CHD2: variants seen among roughly 807,000 people sequenced by gnomAD.
CHD2 encodes the protein chromodomain helicase DNA binding protein 2.
In CHD2, 28 loss-of-function variants were observed where a neutral mutation model predicts 243.9. That is an observed-to-expected ratio of 0.11 (90% CI 0.09 to 0.16). The LOEUF is 0.16. Ranked by LOEUF, CHD2 falls within the 10% of genes least tolerant of loss-of-function variation. CHD2 has a pLI of 1.00. For synonymous variants in CHD2, 775 were observed against 779.0 expected, an observed-to-expected ratio of 0.99 and a Z score of 0.09; for missense variants, 1,386 against 2,209.8, an observed-to-expected ratio of 0.63 and a Z score of 7.47.
chr15:92,904,544 G>C, intron 2 of CHD2: 1 of 1,002,608 alleles, frequency 1.0e-6, no homozygotes, highest in Non-Finnish European at 1.2e-6. Context: ...CTTCTTTCCT[G>C]GACGCGTTTG....
intron 27 of CHD2, chr15:92,991,764 G>T: frequency 2.7e-6 from 1 of 371,642 alleles, no homozygotes; most frequent in Non-Finnish European, 4.8e-6. Flanking sequence ...GATAAAGCAA[G>T]TATATTCAAA....
At chr15:92,973,137 G>C (rs1412368199) in intron 19 of CHD2, among the ~76,000 whole-genome samples, 1 of 152,186 alleles carries the variant, frequency 6.6e-6, no homozygotes, top group Non-Finnish European at 1.5e-5. Context: ...GTTGACCCTG[G>C]CTGTGAGGCT....
chr15:92,989,025 C>CTTTTTTT (rs34298248), intron 26 of CHD2, among the ~76,000 whole-genome samples: 12 of 76,520 alleles, frequency 1.6e-4, no homozygotes, highest in African/African-American at 3.0e-4. Flanking sequence ...ATACTTCATA[C>CTTTTTTT]TTTTTTTTTT....
At chr15:92,912,865 G>A (rs1306233783) in intron 2 of CHD2, among the ~76,000 whole-genome samples, 2 of 152,192 alleles carry the variant, frequency 1.3e-5, no homozygotes, top group Non-Finnish European at 2.9e-5. Flanking sequence ...AAACTAAAAT[G>A]ATCAGTGTGT....
intron 24 of CHD2, among the ~76,000 whole-genome samples, chr15:92,981,853 T>TA (rs2053984489): frequency 6.6e-6 from 1 of 152,188 alleles, no homozygotes. Flanking sequence ...GGTGAGATTT[T>TA]AGTTTGTTTT....
At chr15:92,953,948 T>C (rs11857145) in intron 14 of CHD2, 33,626 of 163,840 alleles carry the variant, frequency 0.21, 4,343 homozygotes, top group Middle Eastern at 0.32. Context: ...AAAATAATCA[T>C]TCTTCGAATT....
intron 37 of CHD2, among the ~76,000 whole-genome samples, 161 bp from the exon 38 acceptor site, chr15:93,019,851 T>C (rs529426502): frequency 6.6e-6 from 1 of 152,054 alleles, no homozygotes; most frequent in South Asian, 2.1e-4. Flanking sequence ...CGAGAATCGC[T>C]TGACCCAAGA....
At chr15:92,934,120 A>C (rs1030977991) in intron 5 of CHD2, among the ~76,000 whole-genome samples, 3 of 152,204 alleles carry the variant, frequency 2.0e-5, no homozygotes, top group African/African-American at 7.2e-5. Flanking sequence ...TTTTTTACAG[A>C]CAGTTAATAG....
intron 16 of CHD2, among the ~76,000 whole-genome samples, chr15:92,958,850 A>G (rs750039626): frequency 6.6e-6 from 1 of 152,182 alleles, no homozygotes; most frequent in African/African-American, 2.4e-5. Flanking sequence ...TTTGCTCAAT[A>G]TCCTCATGAT....
chr15:92,910,954 T>TA (rs2052723093), intron 2 of CHD2, among the ~76,000 whole-genome samples: 1 of 152,218 alleles, frequency 6.6e-6, no homozygotes, highest in South Asian at 2.1e-4. Context: ...TAGAGCATGT[T>TA]ACAGTACTGA....
chr15:92,972,208 G>T, intron 18 of CHD2, 57 bp from the exon 19 acceptor site: 2 of 1,549,040 alleles, frequency 1.3e-6, no homozygotes, highest in Non-Finnish European at 1.8e-6. Context: ...GTAGAGATTA[G>T]GGAAGATTAA....
At chr15:92,942,822 G>A (rs761091898) in intron 8 of CHD2, 21 bp from the exon 9 acceptor site, 1 of 1,570,014 alleles carries the variant, frequency 6.4e-7, no homozygotes, top group Non-Finnish European at 8.6e-7. Flanking sequence ...TCTCTTTCAA[G>A]TGTACTTAAT....
At chr15:93,021,956 T>C (rs1177623828) in intron 38 of CHD2, 3 of 152,332 alleles carry the variant, frequency 2.0e-5, no homozygotes, top group African/African-American at 4.8e-5. Flanking sequence ...AGCTTTGTTA[T>C]GAGTTGCAGG....
intron 37 of CHD2, among the ~76,000 whole-genome samples, chr15:93,019,500 C>G (rs1365350591): frequency 1.3e-5 from 2 of 152,066 alleles, no homozygotes; most frequent in Non-Finnish European, 2.9e-5. Context: ...AGCAACAAGA[C>G]CAAGAAGAAA....
At chr15:92,921,001 C>G (rs2052944530) in intron 2 of CHD2, among the ~76,000 whole-genome samples, 1 of 151,588 alleles carries the variant, frequency 6.6e-6, no homozygotes, top group Admixed American at 6.6e-5. Context: ...CTTTCTAGGT[C>G]AGCATGTGTG....
At chr15:92,909,293 G>A (rs368692000) in intron 2 of CHD2, among the ~76,000 whole-genome samples, 5 of 152,184 alleles carry the variant, frequency 3.3e-5, no homozygotes, top group Admixed American at 2.0e-4. Flanking sequence ...TTGGAATGCA[G>A]TTACATTCCA....
chr15:93,005,634 C>T (rs957292814), intron 34 of CHD2, among the ~76,000 whole-genome samples: 1 of 152,190 alleles, frequency 6.6e-6, no homozygotes, highest in African/African-American at 2.4e-5. Flanking sequence ...TGACTTCTTT[C>T]TCTGAGTTCT....
intron 22 of CHD2, 47 bp downstream of exon 22, chr15:92,979,330 A>G (rs765461100): frequency 2.5e-6 from 4 of 1,595,316 alleles, no homozygotes; most frequent in Admixed American, 3.4e-5. Flanking sequence ...AATTGATTCT[A>G]CATCACTGTT....
chr15:92,961,876 C>CTTTTTTTTTTTTTTTTTTTTTTTTT (rs3064790), intron 16 of CHD2, among the ~76,000 whole-genome samples: 4 of 78,626 alleles, frequency 5.1e-5, no homozygotes, highest in Non-Finnish European at 7.1e-5. Context: ...TTTTTCTTCT[C>CTTTTTTTTTTTTTTTTTTTTTTTTT]TTTTTTTTTT....
Sources: allele counts gnomAD v4.1 joint callset (sites outside exome capture counted in the v4.1 genomes callset), GRCh38; gene constraint gnomAD v4.1.1; transcripts MANE v1.5; gene names NCBI Gene and HGNC (gene_info 2026-07-23, HGNC 2026-07-21).